RAB3GAP1: variants seen among roughly 807,000 people sequenced by gnomAD.
RAB3GAP1 encodes the protein rab3 GTPase-activating protein catalytic subunit.
A neutral mutation model predicts 130.7 loss-of-function variants in RAB3GAP1; 86 were observed. That is an observed-to-expected ratio of 0.66 (90% CI 0.55 to 0.79). The LOEUF is 0.79. Among genes scored for constraint, RAB3GAP1 ranks in the 30% least tolerant of loss-of-function variants. RAB3GAP1 has a pLI of 0.00. For synonymous variants in RAB3GAP1, 367 were observed against 401.7 expected, an observed-to-expected ratio of 0.91 and a Z score of 1.03; for missense variants, 1,029 against 1,169.4, an observed-to-expected ratio of 0.88 and a Z score of 1.75.
At chr2:135,164,524 G>A in intron 22 of RAB3GAP1, 70 bp from the exon 23 acceptor site, 3 of 1,216,148 alleles carry the variant, frequency 2.5e-6, no homozygotes, top group Admixed American at 3.5e-5. Context: ...AAACTCCTGT[G>A]GGAGGATGGA....
chr2:135,092,737 C>G (rs978192895), intron 4 of RAB3GAP1, among the ~76,000 whole-genome samples: 1 of 152,064 alleles, frequency 6.6e-6, no homozygotes, highest in Admixed American at 6.6e-5. Context: ...TGTGCCCAGC[C>G]AAAGGTGAAT....
At chr2:135,098,168 T>C (rs1028766811) in intron 5 of RAB3GAP1, among the ~76,000 whole-genome samples, 10 of 152,176 alleles carry the variant, frequency 6.6e-5, no homozygotes, top group African/African-American at 2.2e-4. Context: ...GTCCAAGTCT[T>C]TTGCACATGT....
chr2:135,169,097 T>G lies in RAB3GAP1; in HGVS notation c.*316T>G. ...CACTGGCAGGACGGTGTTCATCGCA[T>G]TCTCTTCTGTGACCAGCCTCTAGGC... On this transcript the variant is annotated 3_prime_UTR_variant, in exon 24 of 24. Transcript: ENST00000264158. The G allele has an allele frequency of 2.4e-6, 1 of 422,570 alleles. No homozygotes were observed. Among genetic ancestry groups the G allele is most frequent in the Non-Finnish European group, 4.5e-6 (1 of 224,140 alleles). The allele number at this position is 422,570 out of a possible 1,614,324, so 26.2% of individuals were successfully genotyped here.
chr2:135,120,945 C>T, intron 8 of RAB3GAP1, 27 bp downstream of exon 8: 1 of 1,408,874 alleles, frequency 7.1e-7, no homozygotes. Context: ...CTATATTTAA[C>T]TTACTGAATA....
intron 3 of RAB3GAP1, among the ~76,000 whole-genome samples, chr2:135,083,713 C>T (rs911784235): frequency 2.7e-5 from 4 of 150,326 alleles, no homozygotes; most frequent in African/African-American, 9.8e-5. Context: ...AATCCTCCTG[C>T]CTAAGCCTCT....
intron 17 of RAB3GAP1, chr2:135,137,055 A>G (rs1308223469): frequency 3.9e-6 from 1 of 257,362 alleles, no homozygotes; most frequent in African/African-American, 2.3e-5. Context: ...ACACCACTGT[A>G]CTCCAGCCTG....
intron 3 of RAB3GAP1, among the ~76,000 whole-genome samples, chr2:135,081,356 ATATATACACACACGTGTGTGTGTG>A (rs1161188811): frequency 1.7e-4 from 15 of 88,378 alleles, no homozygotes; most frequent in Non-Finnish European, 2.4e-4. Context: ...ATATATATAT[ATATATACACACACGTGTGTGTGTG>A]TATATATATA....
chr2:135,062,048 A>G (rs891706988), intron 3 of RAB3GAP1, among the ~76,000 whole-genome samples: 1 of 150,200 alleles, frequency 6.7e-6, no homozygotes, highest in Non-Finnish European at 1.5e-5. Context: ...TTTTTTTGAG[A>G]CAGAGTCTCA....
downstream of RAB3GAP1, among the ~76,000 whole-genome samples, chr2:135,171,081 G>A (rs919184368): frequency 6.6e-6 from 1 of 151,920 alleles, no homozygotes; most frequent in South Asian, 2.1e-4. Context: ...ACTGACAGGA[G>A]GGGGCAGAAA....
chr2:135,169,494 T>C lies in RAB3GAP1; in HGVS notation c.*713T>C, dbSNP rs1692779970. ...AGATTTGTCTTACTTATTTTTCTTT[T>C]GGTTGCCATGGAAGTTATGGCCCTG... On this transcript the variant is annotated 3_prime_UTR_variant, in exon 24 of 24. Transcript: ENST00000264158. The C allele has an allele frequency of 5.4e-6, 1 of 184,300 alleles. No homozygotes were observed. 11.4% of individuals were successfully genotyped at this position (184,300 alleles called of 1,614,324 possible).
At chr2:135,117,570 GCTTCTT>G (rs1289347100) in intron 7 of RAB3GAP1, among the ~76,000 whole-genome samples, 1 of 20,898 alleles carries the variant, frequency 4.8e-5, no homozygotes. Context: ...TTCTTCTTCT[GCTTCTT>G]CTTCTGCTTC....
In RAB3GAP1 at chr2:135,087,095, T is replaced by C. The variant is rs1052483956; in HGVS notation, c.151-3903T>C. On this transcript the variant is annotated intron_variant, in intron 3 of 23. Coordinates refer to ENST00000264158, the MANE Select transcript of RAB3GAP1 (RefSeq NM_012233.3). Reference sequence around the variant, plus strand: ...AAAGGAATCTTTGCCTATCCCAAGGTATTTGCAAGATCCCAAGATATTCTC... The same window carrying C: ...AAAGGAATCTTTGCCTATCCCAAGGCATTTGCAAGATCCCAAGATATTCTC... Among the ~76,000 whole-genome samples, 9 of 152,208 alleles carry C rather than the reference T, an allele frequency of 5.9e-5. 1 individual carries two copies. The highest frequency in any genetic ancestry group is 2.2e-4 in the African/African-American group (9 of 41,444).
chr2:135,109,323 TTA>T (rs925304151), intron 5 of RAB3GAP1, among the ~76,000 whole-genome samples: 121 of 152,218 alleles, frequency 7.9e-4, no homozygotes, highest in African/African-American at 2.6e-3. Context: ...TATTTCTTTA[TTA>T]TGTGTGTGTG....
chr2:135,133,538 G>A (rs532180180), intron 14 of RAB3GAP1, among the ~76,000 whole-genome samples: 21 of 151,986 alleles, frequency 1.4e-4, no homozygotes, highest in African/African-American at 4.1e-4. Context: ...TTTTTCAGAC[G>A]TGCTCATTTT....
intron 2 of RAB3GAP1, 21 bp downstream of exon 2, chr2:135,052,506 G>GT: frequency 6.2e-7 from 1 of 1,612,860 alleles, no homozygotes; most frequent in Non-Finnish European, 8.5e-7. Flanking sequence ...CGCATTTTTG[G>GT]TTACCAGCTC....
chr2:135,089,500 G>T (rs1054762500), intron 3 of RAB3GAP1, among the ~76,000 whole-genome samples: 3 of 152,120 alleles, frequency 2.0e-5, no homozygotes, highest in African/African-American at 7.2e-5. Context: ...TCATAGTATT[G>T]ATTCTTTCCA....
Position 135,153,841 on chromosome 2 carries a change from A to T in RAB3GAP1, c.2254A>T (p.Arg752Trp), listed in dbSNP as rs994278130. Reference protein sequence around the residue: ...TAKPIPARRQRRLFDDTREAE... With the variant: ...TAKPIPARRQWRLFDDTREAE... ...TAAGCCAATTCCTGCTAGAAGGCAA[A>T]GGAGACTCTTTGATGATACACGGGA... The change falls in exon 19 of 24, where the codon AGG becomes TGG. Residue 752 changes from arginine (R) to tryptophan (W), a missense_variant. By Grantham distance (101) the Arg-to-Trp change is moderately radical. Transcript: ENST00000264158. 6.2e-7 allele frequency: 1 copy of T among 1,613,928 alleles called. No homozygotes were observed. The highest frequency in any genetic ancestry group is 8.5e-7 in the Non-Finnish European group (1 of 1,179,904).
At chr2:135,064,729 G>A (rs1045547171) in intron 3 of RAB3GAP1, among the ~76,000 whole-genome samples, 12 of 125,202 alleles carry the variant, frequency 9.6e-5, no homozygotes, top group African/African-American at 3.3e-4. Context: ...TTCCTGTTTC[G>A]TTTTGTTTTT....
intron 19 of RAB3GAP1, among the ~76,000 whole-genome samples, chr2:135,157,910 G>A (rs971450927): frequency 4.0e-5 from 6 of 151,794 alleles, no homozygotes; most frequent in Non-Finnish European, 8.8e-5. Context: ...TACGGGTACA[G>A]CAATTGTGAA....
Sources: allele counts gnomAD v4.1 joint callset (sites outside exome capture counted in the v4.1 genomes callset), GRCh38; gene constraint gnomAD v4.1.1; transcripts MANE v1.5; gene names NCBI Gene and HGNC (gene_info 2026-07-23, HGNC 2026-07-21).